Variants in MTX2 observed in about 807,000 individuals in gnomAD.
MTX2 encodes the protein metaxin-2.
MTX2 carries 35 observed loss-of-function variants against 42.3 expected under a neutral mutation model. That is an observed-to-expected ratio of 0.83 (90% CI 0.63 to 1.10). The LOEUF is 1.10. MTX2 is among the 50% of genes least tolerant of loss of function. MTX2 has a pLI of 0.00. For missense variants in MTX2, 307 were observed against 304.1 expected (o/e 1.01, Z -0.07); for synonymous variants, 119 against 100.9 (o/e 1.18, Z -1.08).
At chr2:176,333,820 T>A (rs1524079) in intron 9 of MTX2, among the ~76,000 whole-genome samples, 83,270 of 150,780 alleles carry the variant, frequency 0.55, 23,042 homozygotes, top group Admixed American at 0.64. Context: ...AGTATTCTGT[T>A]TGGCAATGTG....
intron 1 of MTX2, among the ~76,000 whole-genome samples, chr2:176,292,566 C>A (rs1281368080): frequency 1.3e-5 from 2 of 152,066 alleles, no homozygotes; most frequent in African/African-American, 4.8e-5. Context: ...AATAAGCTTT[C>A]TTTCTGTTAG....
chr2:176,297,096 G>T (rs1476177185), intron 2 of MTX2, among the ~76,000 whole-genome samples, 189 bp downstream of exon 2: 2 of 152,082 alleles, frequency 1.3e-5, no homozygotes, highest in South Asian at 2.1e-4. Flanking sequence ...TGGCCTATAA[G>T]GTCCTTAGTT....
chr2:176,305,283 T>C (rs1684112261), intron 3 of MTX2, among the ~76,000 whole-genome samples: 1 of 152,118 alleles, frequency 6.6e-6, no homozygotes, highest in African/African-American at 2.4e-5. Flanking sequence ...TTTTTTGTTA[T>C]TATTTTTATC....
chr2:176,319,616 C>G (rs550927351), intron 3 of MTX2, among the ~76,000 whole-genome samples: 49 of 152,062 alleles, frequency 3.2e-4, no homozygotes, highest in African/African-American at 9.4e-4. Context: ...TGCTCTGTCA[C>G]CTAGGCTGGA....
At chr2:176,281,484 G>T (rs529288248) in intron 1 of MTX2, among the ~76,000 whole-genome samples, 1 of 152,230 alleles carries the variant, frequency 6.6e-6, no homozygotes, top group African/African-American at 2.4e-5. Flanking sequence ...TTTATGTAGT[G>T]ACTCAGTGCA....
At chr2:176,270,598 A>G (rs1027976246) in intron 1 of MTX2, among the ~76,000 whole-genome samples, 1 of 152,246 alleles carries the variant, frequency 6.6e-6, no homozygotes, top group African/African-American at 2.4e-5. Context: ...CACAATAAAT[A>G]GGTACATTTG....
intron 1 of MTX2, chr2:176,270,511 T>C: frequency 2.2e-6 from 2 of 895,184 alleles, no homozygotes; most frequent in South Asian, 2.8e-5. Flanking sequence ...ATAGGTACTT[T>C]GAGATAGAGG....
At chr2:176,269,746 T>C (rs1394446267) in intron 1 of MTX2, 77 bp downstream of exon 1, 4 of 1,469,034 alleles carry the variant, frequency 2.7e-6, no homozygotes, top group Non-Finnish European at 3.6e-6. Context: ...GCTGGAGCTT[T>C]CCTCCAGCCT....
At chr2:176,281,012 G>A (rs560103858) in intron 1 of MTX2, among the ~76,000 whole-genome samples, 3 of 152,124 alleles carry the variant, frequency 2.0e-5, no homozygotes, top group African/African-American at 7.2e-5. Flanking sequence ...TATTAAGATG[G>A]CCATCTTGAG....
At chr2:176,311,435 G>A (rs1231678176) in intron 3 of MTX2, among the ~76,000 whole-genome samples, 1 of 152,214 alleles carries the variant, frequency 6.6e-6, no homozygotes, top group East Asian at 1.9e-4. Context: ...GTTCTCTTCA[G>A]AGCTGTCAGA....
At chr2:176,270,363 A>G (rs765364333) in intron 1 of MTX2, 5 of 1,362,494 alleles carry the variant, frequency 3.7e-6, no homozygotes, top group Non-Finnish European at 4.9e-6. Flanking sequence ...TTAAATCTGC[A>G]TGTACTTTAA....
At chr2:176,282,770 C>G (rs1693112612) in intron 1 of MTX2, among the ~76,000 whole-genome samples, 1 of 150,130 alleles carries the variant, frequency 6.7e-6, no homozygotes, top group Admixed American at 6.7e-5. Context: ...GTCGCACGAT[C>G]TCAGCTCACT....
In MTX2 at chr2:176,323,407, T is replaced by G; in HGVS notation, c.151T>G (p.Cys51Gly). The G allele has an allele frequency of 6.2e-7, 1 of 1,611,276 alleles. No homozygotes were observed. Among genetic ancestry groups the G allele is most frequent in the Admixed American group, 1.7e-5 (1 of 59,934 alleles). ...SLAVQAFLQM[C>G]NLPIKVVCRA... The stretch of plus-strand genomic sequence containing the variant: ...TGATTTACAGGCCTTTTTGCAAATG[T>G]GTAACTTGCCTATCAAAGTAGTTTG... Residue 51 changes from cysteine to glycine, a missense_variant, in exon 4 of 10, where the codon TGT (cysteine) becomes GGT (glycine). By Grantham distance (159) the Cys-to-Gly change is radical. Coordinates refer to ENST00000249442, the MANE Select transcript of MTX2 (RefSeq NM_006554.5).
chr2:176,309,467 G>C (rs992357184), intron 3 of MTX2, among the ~76,000 whole-genome samples: 1 of 152,164 alleles, frequency 6.6e-6, no homozygotes, highest in Non-Finnish European at 1.5e-5. Flanking sequence ...CTGTCTTGTT[G>C]ATCTGTCTGA....
At chr2:176,297,822 C>T in intron 2 of MTX2, 27 bp from the exon 3 acceptor site, 1 of 1,497,748 alleles carries the variant, frequency 6.7e-7, no homozygotes, top group Non-Finnish European at 9.0e-7. Flanking sequence ...ACTTGGTTAA[C>T]ATTTATGCTT....
intron 1 of MTX2, among the ~76,000 whole-genome samples, chr2:176,282,830 A>C (rs542367116): frequency 6.6e-6 from 1 of 151,572 alleles, no homozygotes; most frequent in Admixed American, 6.6e-5. Context: ...TAGCCTCCTG[A>C]GTAGCTGGGA....
chr2:176,306,035 G>T (rs990495550), intron 3 of MTX2, among the ~76,000 whole-genome samples: 1 of 152,038 alleles, frequency 6.6e-6, no homozygotes, highest in African/African-American at 2.4e-5. Flanking sequence ...TTTACATTAG[G>T]TATTTCTCCT....
chr2:176,312,101 C>G (rs1162878524), intron 3 of MTX2, among the ~76,000 whole-genome samples: 1 of 152,188 alleles, frequency 6.6e-6, no homozygotes, highest in African/African-American at 2.4e-5. Flanking sequence ...AAAGCAGTAT[C>G]AACGTATTGA....
intron 1 of MTX2, among the ~76,000 whole-genome samples, chr2:176,287,346 A>G (rs899940280): frequency 1.3e-5 from 2 of 152,214 alleles, no homozygotes; most frequent in African/African-American, 4.8e-5. Flanking sequence ...ATACATATTT[A>G]TATACACTGA....
Sources: allele counts gnomAD v4.1 joint callset (sites outside exome capture counted in the v4.1 genomes callset), GRCh38; gene constraint gnomAD v4.1.1; transcripts MANE v1.5; gene names NCBI Gene and HGNC (gene_info 2026-07-23, HGNC 2026-07-21).